DRC8: variants seen among roughly 807,000 people sequenced by gnomAD.
The protein encoded by DRC8 is dynein regulatory complex protein 8.
the DRC8 span, among the ~76,000 whole-genome samples, chr1:245,055,315 C>T: frequency 1.3e-5 from 2 of 152,016 alleles, no homozygotes; most frequent in Admixed American, 6.6e-5. Flanking sequence ...ATTTATTTTG[C>T]ACATTTATTG....
the DRC8 span, chr1:245,086,846 C>G: frequency 1.9e-6 from 1 of 532,664 alleles, no homozygotes; most frequent in Non-Finnish European, 3.8e-6. Context: ...TGGATCCAAA[C>G]TTGTGCTTTA....
the DRC8 span, among the ~76,000 whole-genome samples, chr1:245,050,941 G>A: frequency 7.2e-5 from 11 of 151,990 alleles, no homozygotes; most frequent in South Asian, 2.1e-4. Context: ...GCAGTGCCAC[G>A]ATCTCGGTTC....
At chr1:244,997,320 A>T in the DRC8 span, among the ~76,000 whole-genome samples, 1 of 151,730 alleles carries the variant, frequency 6.6e-6, no homozygotes, top group Non-Finnish European at 1.5e-5. Context: ...CTTTTTATAG[A>T]CTACCCCTCT....
the DRC8 span, among the ~76,000 whole-genome samples, chr1:245,065,073 C>CTTTTTTTT: frequency 8.9e-3 from 727 of 81,550 alleles, 7 homozygotes; most frequent in East Asian, 0.021. Flanking sequence ...TAACATTCTT[C>CTTTTTTTT]TTTTTTTTTT....
the DRC8 span, among the ~76,000 whole-genome samples, chr1:245,086,178 G>A: frequency 6.6e-3 from 1,007 of 152,288 alleles, 14 homozygotes; most frequent in African/African-American, 0.023. Context: ...GAATACATAT[G>A]TTTTCAATTA....
chr1:245,025,621 A>G, the DRC8 span, among the ~76,000 whole-genome samples: 22 of 152,296 alleles, frequency 1.4e-4, no homozygotes, highest in African/African-American at 4.8e-4. Context: ...TCCTGTTCCT[A>G]TGCTTCAATG....
the DRC8 span, among the ~76,000 whole-genome samples, chr1:245,066,120 C>T: frequency 6.6e-6 from 1 of 151,892 alleles, no homozygotes; most frequent in African/African-American, 2.4e-5. Flanking sequence ...TCTCAGCTTC[C>T]AAAATTTTAT....
chr1:245,027,805 T>A, the DRC8 span, among the ~76,000 whole-genome samples: 1 of 152,154 alleles, frequency 6.6e-6, no homozygotes, highest in Admixed American at 6.5e-5. Context: ...ACTAACCACA[T>A]TTTCTCATTT....
the DRC8 span, among the ~76,000 whole-genome samples, chr1:245,063,239 G>C: frequency 2.0e-5 from 3 of 152,094 alleles, no homozygotes; most frequent in Non-Finnish European, 4.4e-5. Context: ...CTTGTTCCAG[G>C]TCTCACCCTC....
chr1:245,010,072 G>T, the DRC8 span, among the ~76,000 whole-genome samples: 1 of 151,700 alleles, frequency 6.6e-6, no homozygotes, highest in East Asian at 2.0e-4. Context: ...TGTTGGCCAG[G>T]CTGGTCTCAC....
chr1:245,005,687 C>A, the DRC8 span, among the ~76,000 whole-genome samples: 1 of 152,148 alleles, frequency 6.6e-6, no homozygotes, highest in African/African-American at 2.4e-5. Flanking sequence ...CAGAGTTATT[C>A]TCAAGGTGTT....
chr1:245,072,226 G>T, the DRC8 span, among the ~76,000 whole-genome samples: 1 of 152,132 alleles, frequency 6.6e-6, no homozygotes. Flanking sequence ...CCAGACAATG[G>T]AATATTATTC....
At chr1:244,985,466 CCTTA>C in the DRC8 span, among the ~76,000 whole-genome samples, 6 of 152,268 alleles carry the variant, frequency 3.9e-5, no homozygotes, top group African/African-American at 1.4e-4. Context: ...TGTTATGAGT[CCTTA>C]CTTACCGTGT....
the DRC8 span, among the ~76,000 whole-genome samples, chr1:244,971,724 C>T: frequency 6.6e-6 from 1 of 152,096 alleles, no homozygotes; most frequent in Admixed American, 6.6e-5. Flanking sequence ...GAAACGAACC[C>T]TGAGATATTT....
the DRC8 span, among the ~76,000 whole-genome samples, chr1:245,086,484 A>G: frequency 8.5e-5 from 13 of 152,354 alleles, no homozygotes; most frequent in East Asian, 2.5e-3. Flanking sequence ...CACTAGTTTG[A>G]GAATATGCAT....
the DRC8 span, among the ~76,000 whole-genome samples, chr1:245,066,023 C>T: frequency 3.9e-5 from 6 of 151,978 alleles, no homozygotes; most frequent in Non-Finnish European, 8.8e-5. Context: ...CCAGAAGCAA[C>T]CAATGCTTTT....
chr1:244,995,095 G>A, the DRC8 span, among the ~76,000 whole-genome samples: 1 of 151,998 alleles, frequency 6.6e-6, no homozygotes, highest in Non-Finnish European at 1.5e-5. Flanking sequence ...GGGCGCGGTG[G>A]CTCACACCTG....
the DRC8 span, among the ~76,000 whole-genome samples, chr1:245,071,691 AT>A: frequency 5.7e-3 from 861 of 152,352 alleles, 11 homozygotes; most frequent in African/African-American, 0.019. Context: ...GCTAAAAAAA[AT>A]ATACAAGCTC....
At chr1:245,054,009 CCTT>C in the DRC8 span, among the ~76,000 whole-genome samples, 1 of 152,038 alleles carries the variant, frequency 6.6e-6, no homozygotes, top group African/African-American at 2.4e-5. Context: ...CCCGCATCAG[CCTT>C]CTTTGCACGG....
Sources: gnomAD v4.1 joint callset for allele counts (sites outside exome capture counted in the v4.1 genomes callset) on GRCh38, gnomAD v4.1.1 for gene constraint, MANE v1.5 for transcripts, NCBI Gene and HGNC (gene_info 2026-07-23, HGNC 2026-07-21) for gene names.